Variants in SHF observed in about 807,000 individuals in gnomAD.
SHF encodes Src homology 2 domain containing F.
SHF carries 30 observed loss-of-function variants against 42.4 expected under a neutral mutation model. That is an observed-to-expected ratio of 0.71 (90% CI 0.53 to 0.96). SHF has a LOEUF of 0.96. Among genes scored for constraint, SHF ranks in the 40% least tolerant of loss-of-function variants. The pLI, the probability that SHF is intolerant of heterozygous loss-of-function variation, is 0.00. For missense variants in SHF, 598 were observed against 634.0 expected, an observed-to-expected ratio of 0.94 and a Z score of 0.61; for synonymous variants, 264 against 269.9, an observed-to-expected ratio of 0.98 and a Z score of 0.21.
chr15:45,192,358 ATTTTTTTTTT>A (rs1193075020), upstream of SHF, among the ~76,000 whole-genome samples: 132 of 75,538 alleles, frequency 1.7e-3, no homozygotes, highest in Middle Eastern at 0.014. Flanking sequence ...CTGATTCCAG[ATTTTTTTTTT>A]TTTTTTTTTT....
upstream of SHF, among the ~76,000 whole-genome samples, chr15:45,190,677 G>A (rs193131332): frequency 3.3e-5 from 5 of 152,232 alleles, no homozygotes; most frequent in Admixed American, 3.3e-4. Flanking sequence ...TGAAGCAAAG[G>A]AGTGAAAGGT....
chr15:45,188,004 C>T (rs972925131), upstream of SHF: 1 of 103,656 alleles, frequency 9.6e-6, no homozygotes, highest in Non-Finnish European at 1.6e-5. Flanking sequence ...GGGGCGGGGG[C>T]GGGGGTGGGG....
intron 4 of SHF, 81 bp downstream of exon 4, chr15:45,173,495 C>A (rs371491844): frequency 7.0e-7 from 1 of 1,426,516 alleles, no homozygotes; most frequent in Non-Finnish European, 9.1e-7. Context: ...CCTGCCCCAC[C>A]TCTCAGCTCC....
chr15:45,197,843 A>G (rs1234281573), intron 2 of SHF, among the ~76,000 whole-genome samples: 1 of 151,734 alleles, frequency 6.6e-6, no homozygotes, highest in East Asian at 2.0e-4. Flanking sequence ...AAAAAAAAAA[A>G]AAGAGAGCGG....
intron 1 of SHF, chr15:45,200,267 T>A (rs1899030875): frequency 6.1e-6 from 1 of 164,746 alleles, no homozygotes; most frequent in East Asian, 1.6e-4. Context: ...CTTTCCAAAG[T>A]CCAATTTAGC....
chr15:45,191,346 C>A (rs1453647687), upstream of SHF, among the ~76,000 whole-genome samples: 4 of 152,194 alleles, frequency 2.6e-5, no homozygotes, highest in Non-Finnish European at 4.4e-5. Flanking sequence ...CCATACCTGG[C>A]TAATTTATTG....
At chr15:45,180,820 A>G (rs182032261) in intron 1 of SHF, among the ~76,000 whole-genome samples, 9 of 152,314 alleles carry the variant, frequency 5.9e-5, no homozygotes, top group Admixed American at 3.3e-4. Flanking sequence ...GGCAGGAACC[A>G]TGTTTACTTT....
intron 2 of SHF, among the ~76,000 whole-genome samples, chr15:45,197,483 C>T (rs1898902763): frequency 6.6e-6 from 1 of 152,120 alleles, no homozygotes. Context: ...TGGAGGGTCT[C>T]CAAATGGCCT....
At position 45,186,523 on chromosome 15, in the gene SHF, C is replaced by G. The variant is rs575897455; in HGVS notation, c.498+931G>C. ...AGTCATCATCACAGAATTTAGGGGC[C>G]TGGGATGGCTTTCAGCTCTCACTCT... is the stretch of plus-strand genomic sequence containing the variant. On this transcript the variant is annotated intron_variant, in intron 1 of 6. Coordinates refer to ENST00000690270, the MANE Select transcript of SHF (RefSeq NM_001394037.1). Among the ~76,000 whole-genome samples, 11 of 152,356 alleles carry G rather than the reference C, an allele frequency of 7.2e-5. No homozygotes were observed. The East Asian group carries it at 1.9e-3, about 27-fold the overall frequency.
At chr15:45,189,241 C>A (rs1392624515), upstream of SHF, among the ~76,000 whole-genome samples, 1 of 150,964 alleles carries the variant, frequency 6.6e-6, no homozygotes, top group Non-Finnish European at 1.5e-5. Context: ...AGAAATAAAG[C>A]CAGTTCCTCA....
chr15:45,196,901 A>C (rs1213578755), intron 2 of SHF, among the ~76,000 whole-genome samples: 2 of 63,826 alleles, frequency 3.1e-5, no homozygotes, highest in South Asian at 1.2e-3. Flanking sequence ...ACTCCGTCTC[A>C]AAAAAAAAAA....
At chr15:45,188,532 G>A (rs563019096), upstream of SHF, among the ~76,000 whole-genome samples, 1 of 152,300 alleles carries the variant, frequency 6.6e-6, no homozygotes, top group South Asian at 2.1e-4. Flanking sequence ...CCGAACCTAC[G>A]TTACTTCCCG....
At chr15:45,172,108 G>A (rs1226221735) in intron 5 of SHF, 39 bp downstream of exon 5, 2 of 1,613,860 alleles carry the variant, frequency 1.2e-6, no homozygotes, top group Non-Finnish European at 1.7e-6. Context: ...AGGAGGGGAG[G>A]AGTGGGGAGG....
intron 1 of SHF, among the ~76,000 whole-genome samples, chr15:45,179,294 A>T (rs1897997164): frequency 6.6e-6 from 1 of 152,230 alleles, no homozygotes; most frequent in Non-Finnish European, 1.5e-5. Context: ...ATTGGAACCC[A>T]TGCCCTTTGT....
At chr15:45,170,626 C>A in intron 6 of SHF, 4 of 280,626 alleles carry the variant, frequency 1.4e-5, no homozygotes, top group East Asian at 1.1e-4. Context: ...TAGTCCGGCA[C>A]TTTTTCTATT....
intron 2 of SHF, among the ~76,000 whole-genome samples, chr15:45,177,347 T>C (rs1897866802): frequency 6.6e-6 from 1 of 152,172 alleles, no homozygotes; most frequent in African/African-American, 2.4e-5. Context: ...TGGTGAAGTA[T>C]TAAGAAGCCC....
Position 45,182,718 on chromosome 15 carries a change from T to C in SHF, c.499-4412A>G, listed in dbSNP as rs1898192660. Among the ~76,000 whole-genome samples, 3 of 152,234 alleles carry C rather than the reference T, an allele frequency of 2.0e-5. No homozygotes were observed. The South Asian group carries it at 6.2e-4, about 31-fold the overall frequency. On this transcript the variant is annotated intron_variant, in intron 1 of 6. Transcript: ENST00000690270. ...AGTCTACTTTTGTTTAATTCTGTAA[T>C]TTCCCAAAAATATTTAACCATGGAA...
At chr15:45,198,778 A>G (rs1405590527) in exon 2 of SHF, 6 of 1,608,498 alleles carry the variant, frequency 3.7e-6, no homozygotes, top group East Asian at 2.2e-5. Flanking sequence ...TTACGGGGCG[A>G]GGTTCCAGCC....
At chr15:45,193,914 C>T (rs1898785170) in intron 2 of SHF, among the ~76,000 whole-genome samples, 1 of 149,314 alleles carries the variant, frequency 6.7e-6, no homozygotes, top group African/African-American at 2.5e-5. Context: ...GCCTAGGTAA[C>T]ATGGCGAAAC....
Sources: allele counts gnomAD v4.1 joint callset (sites outside exome capture counted in the v4.1 genomes callset), GRCh38; gene constraint gnomAD v4.1.1; transcripts MANE v1.5; gene names NCBI Gene and HGNC (gene_info 2026-07-23, HGNC 2026-07-21).